Variants in KDM5A observed in about 807,000 individuals in gnomAD.
The protein encoded by KDM5A is lysine demethylase 5A.
KDM5A carries 42 observed loss-of-function variants against 193.5 expected under a neutral mutation model. The ratio of observed to expected loss-of-function variants is 0.22; its 90% confidence interval spans 0.17 to 0.28. The LOEUF (loss-of-function observed/expected upper bound fraction) is 0.28, where lower values mean the gene tolerates loss of function less well. Among genes scored for constraint, KDM5A ranks in the 10% least tolerant of loss-of-function variants. The pLI is 1.00. For synonymous variants in KDM5A, 796 were observed against 718.1 expected, an observed-to-expected ratio of 1.11 and a Z score of -1.73; for missense variants, 1,692 against 2,055.1, an observed-to-expected ratio of 0.82 and a Z score of 3.42.
intron 19 of KDM5A, among the ~76,000 whole-genome samples, chr12:317,778 T>C (rs1221033489): frequency 1.3e-5 from 2 of 152,196 alleles, no homozygotes; most frequent in Non-Finnish European, 2.9e-5. Flanking sequence ...GAAGAAGGCA[T>C]GGCCTGTGGG....
intron 16 of KDM5A, 27 bp downstream of exon 16, chr12:323,054 AT>A: frequency 1.9e-6 from 3 of 1,613,002 alleles, no homozygotes; most frequent in Non-Finnish European, 2.5e-6. Flanking sequence ...TCAATTCAGT[AT>A]ATGCATACAA....
At chr12:366,200 TTAAA>T in intron 3 of KDM5A, 96 bp from the exon 4 acceptor site, 1 of 1,081,960 alleles carries the variant, frequency 9.2e-7, no homozygotes, top group Non-Finnish European at 1.4e-6. Flanking sequence ...TATTCAGGGC[TTAAA>T]TTTCAAATTT....
chr12:376,775 C>T (rs1474092007), intron 3 of KDM5A, among the ~76,000 whole-genome samples: 1 of 151,942 alleles, frequency 6.6e-6, no homozygotes, highest in African/African-American at 2.4e-5. Flanking sequence ...TTAAAAGCTC[C>T]CTCTAAAAAA....
At chr12:314,307 T>C (rs1565530807) in intron 19 of KDM5A, among the ~76,000 whole-genome samples, 2 of 152,116 alleles carry the variant, frequency 1.3e-5, no homozygotes, top group Admixed American at 6.6e-5. Context: ...ACGATTCTCA[T>C]GCCTCAGTCT....
In KDM5A at chr12:380,354, T is replaced by C. The variant is rs371918721; in HGVS notation, c.366+3677A>G. Among the ~76,000 whole-genome samples, 26 of 152,158 alleles carry C rather than the reference T, an allele frequency of 1.7e-4. No homozygotes were observed. The East Asian group carries it at 2.7e-3, about 16-fold the overall frequency. On this transcript the variant is annotated intron_variant, in intron 3 of 27. Transcript: ENST00000399788. ...AAATCACTGACAGAGAAAGTTTCAA[T>C]AGATTACTACTCATACTATTAATAC...
intron 27 of KDM5A, among the ~76,000 whole-genome samples, chr12:291,572 A>C (rs906682657): frequency 1.3e-5 from 2 of 152,234 alleles, no homozygotes; most frequent in Non-Finnish European, 2.9e-5. Context: ...AAGCTCTAAA[A>C]AGGTTTAAGT....
At chr12:387,545 T>C (rs1459982473) in intron 1 of KDM5A, among the ~76,000 whole-genome samples, 1 of 152,200 alleles carries the variant, frequency 6.6e-6, no homozygotes, top group African/African-American at 2.4e-5. Context: ...TCATAGCAAT[T>C]ATTTGTTAAT....
chr12:323,549 A>G (rs760366624), intron 15 of KDM5A, 51 bp downstream of exon 15: 1 of 1,511,146 alleles, frequency 6.6e-7, no homozygotes, highest in Non-Finnish European at 9.2e-7. Context: ...TAACATTAAA[A>G]CTTGGTTTTA....
At chr12:306,032 G>A (rs1436348128) in intron 24 of KDM5A, among the ~76,000 whole-genome samples, 1 of 144,314 alleles carries the variant, frequency 6.9e-6, no homozygotes, top group Non-Finnish European at 1.5e-5. Flanking sequence ...GGGCAGTGGT[G>A]CAATCATGGC....
intron 10 of KDM5A, among the ~76,000 whole-genome samples, chr12:337,890 G>A (rs1269402214): frequency 2.6e-5 from 4 of 152,006 alleles, no homozygotes; most frequent in South Asian, 2.1e-4. Context: ...TGATCTGCCC[G>A]CCCTGACCTC....
rs1041350567 is a variant in KDM5A at position 320,614 on chromosome 12, T to C, written c.2541+381A>G. Among the ~76,000 whole-genome samples, 6 of 152,136 alleles carry C rather than the reference T, an allele frequency of 3.9e-5. No individual in the cohort carries two copies. In the East Asian group the frequency reaches 1.2e-3, roughly 29 times the overall value. On this transcript the variant is annotated intron_variant, in intron 18 of 27. Transcript: ENST00000399788. Reference sequence around the variant, plus strand: ...TATGGAGATTAATATATTTGATACATACTTTTAAGATTTTACATATTCATT... The same window carrying C: ...TATGGAGATTAATATATTTGATACACACTTTTAAGATTTTACATATTCATT...
At chr12:381,288 C>G (rs1314948972) in intron 3 of KDM5A, among the ~76,000 whole-genome samples, 2 of 151,984 alleles carry the variant, frequency 1.3e-5, no homozygotes, top group East Asian at 1.9e-4. Context: ...GCCACCGTGC[C>G]CGGCTGAGAC....
rs377271333 is a variant in KDM5A at position 330,085 on chromosome 12, G to GTGTGTGTGTATATATA, written c.1774-1057_1774-1056insTATATATACACACACA. Among the ~76,000 whole-genome samples, 185 of 139,376 alleles carry GTGTGTGTGTATATATA rather than the reference G, an allele frequency of 1.3e-3. 2 individuals carry two copies. The East Asian group carries it at 0.016, about 12-fold the overall frequency. 91.4% of individuals were successfully genotyped at this position (139,376 alleles called of 152,430 possible). Reference sequence around the variant, plus strand: ...TGTGTGTGTGTGTGTGTGTGTGTGTGTATATATATATATCTTATGATTAGC... The same window carrying GTGTGTGTGTATATATA: ...TGTGTGTGTGTGTGTGTGTGTGTGTGTGTGTGTGTATATATATATATATATATATCTTATGATTAGC... On this transcript the variant is annotated intron_variant, in intron 13 of 27. Coordinates refer to ENST00000399788, the MANE Select transcript of KDM5A (RefSeq NM_001042603.3).
At chr12:355,959 C>T (rs930759270) in intron 6 of KDM5A, among the ~76,000 whole-genome samples, 14 of 152,278 alleles carry the variant, frequency 9.2e-5, no homozygotes, top group Admixed American at 2.0e-4. Flanking sequence ...AAACGTGAAG[C>T]CGAGAGTAAC....
intron 17 of KDM5A, 148 bp downstream of exon 17, chr12:322,269 G>A: frequency 5.8e-6 from 4 of 688,358 alleles, no homozygotes; most frequent in Non-Finnish European, 1.0e-5. Flanking sequence ...AATAGTAGGA[G>A]ATAAAACTGG....
intron 13 of KDM5A, among the ~76,000 whole-genome samples, chr12:330,085 G>GTGTGTGTGTATATATATA (rs377271333): frequency 6.4e-4 from 89 of 139,370 alleles, no homozygotes; most frequent in African/African-American, 1.7e-3. Context: ...GTGTGTGTGT[G>GTGTGTGTGTATATATATA]TATATATATA....
Position 285,561 on chromosome 12 carries a change from T to C in KDM5A, c.4968A>G (p.Ile1656Met). 21 of 1,614,052 alleles carry C rather than the reference T, an allele frequency of 1.3e-5. No homozygotes were observed. The highest frequency in any genetic ancestry group is 1.7e-5 in the Non-Finnish European group (20 of 1,179,964). Residue 1656 changes from isoleucine to methionine, a missense_variant, in exon 28 of 28, where the codon ATA becomes ATG. Physicochemically the swap from Ile to Met is conservative, Grantham distance 10. This residue lies in a region of KDM5A where 23 missense variants were observed against 61.5 expected (regional missense o/e 0.37). Coordinates refer to ENST00000399788, the MANE Select transcript of KDM5A (RefSeq NM_001042603.3). ...CTGGCCCCTGCTTCTTTGCACAGTT[T>C]ATACAGATGTAATCTTCATTTTCAG... ...EMAENEDYIC[I>M]NCAKKQGPVS...
chr12:328,753 G>T, intron 14 of KDM5A, 82 bp downstream of exon 14: 1 of 1,224,474 alleles, frequency 8.2e-7, no homozygotes. Context: ...TAGGGGATAA[G>T]GGATGAAAAT....
chr12:308,384 C>T (rs1451278688), intron 22 of KDM5A, among the ~76,000 whole-genome samples: 1 of 152,156 alleles, frequency 6.6e-6, no homozygotes, highest in Admixed American at 6.5e-5. Flanking sequence ...TGCTGTTTTA[C>T]GGATTAAATA....
Sources: allele counts gnomAD v4.1 joint callset (sites outside exome capture counted in the v4.1 genomes callset), GRCh38; gene constraint gnomAD v4.1.1; regional missense constraint gnomAD v4.1.1; transcripts MANE v1.5; gene names NCBI Gene and HGNC (gene_info 2026-07-23, HGNC 2026-07-21).